Variants in SIN3A observed in about 807,000 individuals in gnomAD.
The protein encoded by SIN3A is paired amphipathic helix protein Sin3a.
In SIN3A, 14 loss-of-function variants were observed where a neutral mutation model predicts 146.1. That is an observed-to-expected ratio of 0.10 (90% CI 0.06 to 0.15). The LOEUF is 0.15. Among genes scored for constraint, SIN3A ranks in the 10% least tolerant of loss-of-function variants. The pLI is 1.00. For synonymous variants in SIN3A, 572 were observed against 572.0 expected, an observed-to-expected ratio of 1.00 and a Z score of 0.00; for missense variants, 1,028 against 1,576.0, an observed-to-expected ratio of 0.65 and a Z score of 5.89.
intron 1 of SIN3A, among the ~76,000 whole-genome samples, chr15:75,450,327 G>T (rs945835661): frequency 6.6e-6 from 1 of 152,100 alleles, no homozygotes; most frequent in African/African-American, 2.4e-5. Flanking sequence ...AAGTCCTAAC[G>T]CACCGAAACA....
At chr15:75,438,356 C>T (rs1008518955) in intron 1 of SIN3A, among the ~76,000 whole-genome samples, 5 of 146,344 alleles carry the variant, frequency 3.4e-5, no homozygotes, top group African/African-American at 1.3e-4. Context: ...CAGAACAAGG[C>T]TCTCCGTCTC....
chr15:75,381,086 T>TAA (rs11342034), intron 18 of SIN3A: 9 of 111,468 alleles, frequency 8.1e-5, no homozygotes, highest in South Asian at 2.8e-4. Flanking sequence ...TGACATCGCT[T>TAA]AAAAAAAAAA....
At position 75,417,480 on chromosome 15, in the gene SIN3A, A is replaced by G. The variant is rs181446339; in HGVS notation, c.367-3169T>C. ...AACTTCTGCCTCCTGGGTTCAAGTGATATCTCCTGCCTCAGCCTCCTGAGT... is the reference window on the plus strand; with the variant it reads ...AACTTCTGCCTCCTGGGTTCAAGTGGTATCTCCTGCCTCAGCCTCCTGAGT... On this transcript the variant is annotated intron_variant, in intron 3 of 20. Coordinates refer to ENST00000394947, the MANE Select transcript of SIN3A (RefSeq NM_001145358.2). 7.1e-4 allele frequency among the ~76,000 whole-genome samples: 107 copies of G among 151,222 alleles called. 1 individual carries two copies. The East Asian group carries it at 0.019, about 27-fold the overall frequency.
Position 75,389,553 on chromosome 15 carries a change from A to G in SIN3A, c.3021+99T>C, listed in dbSNP as rs542947905. ...TCTTCAGAACCCTACGTTCATAAACACTGTTATATGAAAAAGTTGCCTTTC... is the reference window on the plus strand; with the variant it reads ...TCTTCAGAACCCTACGTTCATAAACGCTGTTATATGAAAAAGTTGCCTTTC... On this transcript the variant is annotated intron_variant, in intron 16 of 20. Coordinates refer to ENST00000394947, the MANE Select transcript of SIN3A (RefSeq NM_001145358.2). 1,243 of 1,121,488 alleles carry G rather than the reference A, an allele frequency of 1.1e-3. 2 individuals carry two copies. Among genetic ancestry groups the G allele is most frequent in the Middle Eastern group, 2.3e-3 (8 of 3,442 alleles). 69.5% of individuals were successfully genotyped at this position (1,121,488 alleles called of 1,614,324 possible).
At chr15:75,433,344 T>A (rs545766568) in intron 1 of SIN3A, among the ~76,000 whole-genome samples, 5 of 152,278 alleles carry the variant, frequency 3.3e-5, no homozygotes, top group Non-Finnish European at 7.4e-5. Flanking sequence ...AAAAGAAGAT[T>A]GTAGTGAGCT....
At chr15:75,411,913 C>A (rs1158629219) in intron 5 of SIN3A, among the ~76,000 whole-genome samples, 170 bp from the exon 6 acceptor site, 1 of 152,158 alleles carries the variant, frequency 6.6e-6, no homozygotes. Context: ...GAGTTGTAGG[C>A]GGTTCAAACA....
chr15:75,427,244 G>A (rs2073940171), intron 2 of SIN3A, among the ~76,000 whole-genome samples: 1 of 152,098 alleles, frequency 6.6e-6, no homozygotes, highest in African/African-American at 2.4e-5. Context: ...ATGGTGGCTT[G>A]CGCCTGTAAT....
In SIN3A at chr15:75,392,624, C is replaced by A. The variant is rs750330658; in HGVS notation, c.2469G>T (p.Leu823Phe). ...AGAGATCACCTCTTTGGGCAAAGAG[C>A]AAATCTGGAATAAAATGATGCATGA... ...KQIMHHFIPD[L>F]LFAQRGDLSD... Residue 823 changes from leucine to phenylalanine, a missense_variant, in exon 15 of 21, where the codon TTG (leucine) becomes TTT (phenylalanine). Physicochemically the swap from Leu to Phe is conservative, Grantham distance 22 (BLOSUM62 0). This residue lies in a region of SIN3A where 488 missense variants were observed against 690.2 expected (regional missense o/e 0.71). Coordinates refer to ENST00000394947, the MANE Select transcript of SIN3A (RefSeq NM_001145358.2). 3 of 1,614,048 alleles carry A rather than the reference C, an allele frequency of 1.9e-6. No individual in the cohort carries two copies. The highest frequency in any genetic ancestry group is 1.3e-5 in the African/African-American group (1 of 74,936).
chr15:75,386,824 GTAAGA>G (rs1567325450), intron 16 of SIN3A, among the ~76,000 whole-genome samples: 2 of 152,124 alleles, frequency 1.3e-5, no homozygotes, highest in African/African-American at 4.8e-5. Flanking sequence ...CCTACAATAG[GTAAGA>G]TAAATGTAAT....
chr15:75,407,733 A>G (rs539238155), intron 8 of SIN3A, among the ~76,000 whole-genome samples: 1 of 151,914 alleles, frequency 6.6e-6, no homozygotes, highest in Non-Finnish European at 1.5e-5. Context: ...TCTACTAAAA[A>G]TACAAAAAAA....
At chr15:75,373,736 C>T (rs1254749405) in intron 20 of SIN3A, among the ~76,000 whole-genome samples, 1 of 148,874 alleles carries the variant, frequency 6.7e-6, no homozygotes, top group African/African-American at 2.5e-5. Flanking sequence ...CGTAAGGAGA[C>T]CCCGTGTCTA....
upstream of SIN3A, among the ~76,000 whole-genome samples, chr15:75,454,498 G>A (rs910973817): frequency 6.6e-6 from 1 of 151,098 alleles, no homozygotes; most frequent in African/African-American, 2.4e-5. Flanking sequence ...CGGCCGGGAC[G>A]GTTCCCGCCG....
chr15:75,377,558 G>C (rs1259890426), intron 19 of SIN3A, among the ~76,000 whole-genome samples: 2 of 151,724 alleles, frequency 1.3e-5, no homozygotes, highest in African/African-American at 4.9e-5. Flanking sequence ...CTGGCTGGTG[G>C]AGGCTGCAGT....
chr15:75,409,812 T>G (rs765112052), intron 8 of SIN3A, 24 bp downstream of exon 8: 8 of 1,607,990 alleles, frequency 5.0e-6, no homozygotes, highest in Non-Finnish European at 5.9e-6. Context: ...AGTGTCAAAA[T>G]GAGCAGCTGC....
At chr15:75,393,382 TTC>T (rs940239302) in intron 14 of SIN3A, among the ~76,000 whole-genome samples, 2 of 152,152 alleles carry the variant, frequency 1.3e-5, no homozygotes, top group African/African-American at 4.8e-5. Flanking sequence ...GGAACCATCT[TTC>T]TTTCTTTTTT....
intron 1 of SIN3A, among the ~76,000 whole-genome samples, chr15:75,441,660 G>A (rs535909916): frequency 5.9e-5 from 9 of 152,248 alleles, no homozygotes; most frequent in Non-Finnish European, 1.2e-4. Flanking sequence ...TTCAGGTACA[G>A]CTCTAGTAAG....
chr15:75,420,407 G>T (rs1191815051), intron 3 of SIN3A: 1 of 151,524 alleles, frequency 6.6e-6, no homozygotes, highest in Non-Finnish European at 1.5e-5. Context: ...TTTCTGAGAC[G>T]GAGTTTCACT....
At chr15:75,379,892 T>C (rs1404882390) in intron 19 of SIN3A, among the ~76,000 whole-genome samples, 1 of 152,250 alleles carries the variant, frequency 6.6e-6, no homozygotes, top group Admixed American at 6.5e-5. Context: ...CTAAGATTGC[T>C]ATTCTTTGAA....
At chr15:75,381,244 G>A (rs1226466908) in intron 18 of SIN3A, among the ~76,000 whole-genome samples, 2 of 151,980 alleles carry the variant, frequency 1.3e-5, no homozygotes, top group African/African-American at 4.8e-5. Flanking sequence ...GTCTATTCAG[G>A]GGTTGAAAAC....
Sources: allele counts gnomAD v4.1 joint callset (sites outside exome capture counted in the v4.1 genomes callset), GRCh38; gene constraint gnomAD v4.1.1; regional missense constraint gnomAD v4.1.1; transcripts MANE v1.5; gene names NCBI Gene and HGNC (gene_info 2026-07-23, HGNC 2026-07-21).